PRKCZ: variants seen among roughly 807,000 people sequenced by gnomAD.
PRKCZ encodes protein kinase C zeta.
PRKCZ carries 33 observed loss-of-function variants against 79.5 expected under a neutral mutation model. The ratio of observed to expected loss-of-function variants is 0.41; its 90% CI spans 0.31 to 0.55. The LOEUF (loss-of-function observed/expected upper bound fraction) is 0.55. PRKCZ is among the 20% of genes least tolerant of loss of function. The pLI, the probability that PRKCZ is intolerant of heterozygous loss-of-function variation, is 0.19. For synonymous variants in PRKCZ, 342 were observed against 320.9 expected (o/e 1.07, Z -0.70); for missense variants, 578 against 813.5 (o/e 0.71, Z 3.52).
chr1:2,055,538 A>G lies in PRKCZ; in HGVS notation c.169A>G (p.Thr57Ala). The part of the protein sequence containing the change: ...MCRLHQQHPL[T>A]LKWVDSEGDP... ...TCGTCTGCACCAGCAGCACCCGCTC[A>G]CCCTCAAGTGGGTGGACAGCGAAGG... Residue 57 changes from threonine to alanine, a missense_variant, in exon 2 of 18, where the codon ACC (threonine) becomes GCC (alanine). This residue lies in a region of PRKCZ where 228 missense variants were observed against 211.6 expected (regional missense o/e 1.08). Transcript: ENST00000378567. 1.2e-6 allele frequency: 2 copies of G among 1,613,974 alleles called. No homozygotes were observed. Among genetic ancestry groups the G allele is most frequent in the South Asian group, 2.2e-5 (2 of 91,070 alleles).
At chr1:2,106,765 C>T (rs966299036) in intron 4 of PRKCZ, among the ~76,000 whole-genome samples, 1 of 130,506 alleles carries the variant, frequency 7.7e-6, no homozygotes, top group African/African-American at 3.2e-5. Context: ...CTCTGGTGGG[C>T]GAGGACCTCC....
At chr1:2,106,475 C>T (rs1019102579) in intron 4 of PRKCZ, among the ~76,000 whole-genome samples, 4 of 119,016 alleles carry the variant, frequency 3.4e-5, no homozygotes, top group Non-Finnish European at 5.3e-5. Flanking sequence ...CTCCAGTGGG[C>T]GAGGACCTCC....
chr1:2,180,606 G>C (rs2480710), intron 16 of PRKCZ, among the ~76,000 whole-genome samples: 292 of 152,132 alleles, frequency 1.9e-3, no homozygotes, highest in South Asian at 7.1e-3. Context: ...GTGGACGCAC[G>C]GATGACTCAG....
chr1:2,081,210 C>T (rs559129188), intron 4 of PRKCZ, among the ~76,000 whole-genome samples: 1 of 152,352 alleles, frequency 6.6e-6, no homozygotes, highest in South Asian at 2.1e-4. Flanking sequence ...CCTTTCTGTT[C>T]ATGTGGACTC....
At chr1:2,105,899 G>C (rs538425031) in intron 4 of PRKCZ, among the ~76,000 whole-genome samples, 1 of 152,182 alleles carries the variant, frequency 6.6e-6, no homozygotes, top group East Asian at 1.9e-4. Flanking sequence ...GGGAGGGGCT[G>C]CCCACCAGGC....
At chr1:2,107,983 A>G (rs1001598111) in intron 4 of PRKCZ, among the ~76,000 whole-genome samples, 8 of 150,298 alleles carry the variant, frequency 5.3e-5, no homozygotes, top group African/African-American at 2.0e-4. Context: ...GACAGTGTCA[A>G]GGGAGCCCCC....
rs1041093456 is a variant in PRKCZ, at chr1:2,094,927, C to T, written c.334+35336C>T. ...TATAAAAAGCCCTGCCCTGGGTTCC[C>T]TGCTCCATGCCAGTTCTCTCCCTGC... On this transcript the variant is annotated intron_variant, in intron 4 of 17. Coordinates refer to ENST00000378567, the MANE Select transcript of PRKCZ (RefSeq NM_002744.6). This position sits in a 1 kb window ranked among gnomAD's most constrained non-coding sequence, Gnocchi z 7.3. Among the ~76,000 whole-genome samples, 22 of 152,184 alleles carry T rather than the reference C, an allele frequency of 1.4e-4. No homozygotes were observed. Among genetic ancestry groups the T allele is most frequent in the African/African-American group, 4.6e-4 (19 of 41,398 alleles).
At chr1:2,104,699 C>A in intron 4 of PRKCZ, 1 of 985,840 alleles carries the variant, frequency 1.0e-6, no homozygotes, top group Non-Finnish European at 1.2e-6. Flanking sequence ...CTGGGCCTGC[C>A]CTGGCGAGGG....
intron 10 of PRKCZ, among the ~76,000 whole-genome samples, chr1:2,164,962 G>A (rs1197467675): frequency 6.6e-6 from 1 of 152,200 alleles, no homozygotes; most frequent in Non-Finnish European, 1.5e-5. Flanking sequence ...GTGAGGGGCT[G>A]CCTCCCATGC....
chr1:2,106,395 C>CT (rs1256655402), intron 4 of PRKCZ, among the ~76,000 whole-genome samples: 1 of 152,032 alleles, frequency 6.6e-6, no homozygotes, highest in Non-Finnish European at 1.5e-5. Context: ...ACCTGTGACT[C>CT]TCAGCAAGCC....
chr1:2,133,015 C>T (rs1178648779), intron 4 of PRKCZ, among the ~76,000 whole-genome samples: 1 of 152,204 alleles, frequency 6.6e-6, no homozygotes, highest in Non-Finnish European at 1.5e-5. Flanking sequence ...GGACTGGGGA[C>T]GCCGGGCTGT....
rs573877334 is a variant in PRKCZ at position 2,129,072 on chromosome 1, C to A, written c.335-6190C>A. 2.7e-4 allele frequency among the ~76,000 whole-genome samples: 41 copies of A among 152,292 alleles called. 1 individual carries two copies. The South Asian group carries it at 5.4e-3, about 20-fold the overall frequency. On this transcript the variant is annotated intron_variant, in intron 4 of 17. Coordinates refer to ENST00000378567, the MANE Select transcript of PRKCZ (RefSeq NM_002744.6). Reference sequence around the variant, plus strand: ...AGGGGTGGGGACCGCCAGGTCCCCCCAACATCCCTGCCTGCGGGCCCAGAA... The same window carrying A: ...AGGGGTGGGGACCGCCAGGTCCCCCAAACATCCCTGCCTGCGGGCCCAGAA...
intron 11 of PRKCZ, among the ~76,000 whole-genome samples, chr1:2,170,159 C>T (rs774507059): frequency 6.6e-6 from 1 of 152,112 alleles, no homozygotes; most frequent in Non-Finnish European, 1.5e-5. Context: ...AGGAGCAGAA[C>T]GAGAGTGGTC....
At chr1:2,169,245 C>T (rs1385900068) in intron 10 of PRKCZ, 1 of 511,506 alleles carries the variant, frequency 2.0e-6, no homozygotes, top group Non-Finnish European at 3.8e-6. Context: ...CCGGGGCCCA[C>T]CCACACTTCC....
At chr1:2,162,314 T>A (rs1241170788) in intron 10 of PRKCZ, among the ~76,000 whole-genome samples, 1 of 152,196 alleles carries the variant, frequency 6.6e-6, no homozygotes, top group Non-Finnish European at 1.5e-5. Flanking sequence ...GTAGTTTTAG[T>A]AGAGACGGGG....
intron 10 of PRKCZ, among the ~76,000 whole-genome samples, chr1:2,162,115 A>G (rs1163228360): frequency 1.3e-5 from 2 of 152,306 alleles, no homozygotes; most frequent in East Asian, 3.9e-4. Flanking sequence ...GCCTCCAGAA[A>G]GAAAAAGAAA....
At chr1:2,048,691 G>C (rs1659427144), upstream of PRKCZ, among the ~76,000 whole-genome samples, 1 of 152,130 alleles carries the variant, frequency 6.6e-6, no homozygotes, top group East Asian at 1.9e-4. Context: ...TGTTGGTTGG[G>C]AGCTCAGGGG....
Position 2,184,624 on chromosome 1 carries a change from C to T in PRKCZ, c.1617C>T (p.Ile539=). Residue 539 remains isoleucine (I), a synonymous_variant, in exon 17 of 18, where the codon ATC becomes ATT. Coordinates refer to ENST00000378567, the MANE Select transcript of PRKCZ (RefSeq NM_002744.6). ...KQALPPFQPQ[I]TDDYGLDNFD... The stretch of plus-strand genomic sequence containing the variant: ...CGCTCCCTCCATTCCAGCCACAGAT[C>T]ACAGACGACTACGGTCTGGACAACT... The T allele has an allele frequency of 6.2e-7, 1 of 1,614,096 alleles. No individual in the cohort carries two copies. Among genetic ancestry groups the T allele is most frequent in the Non-Finnish European group, 8.5e-7 (1 of 1,180,012 alleles).
intron 4 of PRKCZ, among the ~76,000 whole-genome samples, chr1:2,069,513 G>A (rs934208396): frequency 6.6e-6 from 1 of 152,176 alleles, no homozygotes; most frequent in African/African-American, 2.4e-5. Flanking sequence ...AAATAAAATC[G>A]TGTGTAAAAG....
Sources: allele counts gnomAD v4.1 joint callset (sites outside exome capture counted in the v4.1 genomes callset), GRCh38; gene constraint gnomAD v4.1.1; regional missense constraint gnomAD v4.1.1; non-coding constraint Gnocchi (gnomAD v3.1); transcripts MANE v1.5; gene names NCBI Gene and HGNC (gene_info 2026-07-23, HGNC 2026-07-21).